Variants in ITGA8 observed in about 807,000 individuals in gnomAD.
ITGA8 encodes the protein integrin subunit alpha 8.
In ITGA8, 91 loss-of-function variants were observed where a neutral mutation model predicts 142.3. That is an observed-to-expected ratio of 0.64 (90% confidence interval 0.54 to 0.76). The LOEUF (loss-of-function observed/expected upper bound fraction) is 0.76, where lower values mean the gene tolerates loss of function less well. Among genes scored for constraint, ITGA8 ranks in the 30% least tolerant of loss-of-function variants. The probability of loss-of-function intolerance (pLI) is 0.00; values close to 1 mark genes in which losing one functional copy is unlikely to be tolerated. For missense variants in ITGA8, 1,406 were observed against 1,327.7 expected, an observed-to-expected ratio of 1.06 and a Z score of -0.92; for synonymous variants, 505 against 485.2, an observed-to-expected ratio of 1.04 and a Z score of -0.54.
Position 15,697,361 on chromosome 10 carries a change from T to G in ITGA8, c.344-9323A>C, listed in dbSNP as rs147936327. On this transcript the variant is annotated intron_variant, in intron 2 of 29. Coordinates refer to ENST00000378076, the MANE Select transcript of ITGA8 (RefSeq NM_003638.3). ...TAATTGTGAAGAATGGACAATGTTT[T>G]TAAATTGCGATTCACAAACATTACG... 2.5e-3 allele frequency among the ~76,000 whole-genome samples: 384 copies of G among 152,328 alleles called. 4 individuals carry two copies. Among genetic ancestry groups the G allele is most frequent in the East Asian group, 0.02 (106 of 5,188 alleles).
At chr10:15,615,325 A>G (rs1281851674) in intron 14 of ITGA8, among the ~76,000 whole-genome samples, 1 of 152,066 alleles carries the variant, frequency 6.6e-6, no homozygotes, top group African/African-American at 2.4e-5. Flanking sequence ...GTACAAGTCA[A>G]CCCTCTCTGA....
intron 13 of ITGA8, among the ~76,000 whole-genome samples, chr10:15,623,662 GGTGGCA>G (rs2131626374): frequency 6.6e-6 from 1 of 151,958 alleles, no homozygotes; most frequent in East Asian, 1.9e-4. Context: ...CTCCAGCCAG[GGTGGCA>G]GAGTGAGACT....
intron 2 of ITGA8, among the ~76,000 whole-genome samples, chr10:15,716,047 A>G (rs1041046027): frequency 3.3e-5 from 5 of 152,200 alleles, no homozygotes; most frequent in Admixed American, 1.3e-4. Flanking sequence ...TCTTTTCCCA[A>G]CAATTCCTTT....
At chr10:15,631,685 T>A (rs1307719673) in intron 13 of ITGA8, among the ~76,000 whole-genome samples, 1 of 150,236 alleles carries the variant, frequency 6.7e-6, no homozygotes, top group Non-Finnish European at 1.5e-5. Context: ...CTGCATGTTC[T>A]GCACATGTAT....
At chr10:15,667,100 C>T (rs1414388269) in intron 8 of ITGA8, among the ~76,000 whole-genome samples, 2 of 152,154 alleles carry the variant, frequency 1.3e-5, no homozygotes, top group Non-Finnish European at 2.9e-5. Context: ...ATGGTACCAG[C>T]TCCTCTTTGC....
intron 8 of ITGA8, among the ~76,000 whole-genome samples, chr10:15,666,324 G>T (rs1458534210): frequency 3.9e-5 from 6 of 152,142 alleles, no homozygotes; most frequent in Non-Finnish European, 7.4e-5. Flanking sequence ...CTGTTTGTCT[G>T]TTATTGGTGT....
chr10:15,548,845 A>G (rs1053433233), intron 26 of ITGA8, among the ~76,000 whole-genome samples: 9 of 152,222 alleles, frequency 5.9e-5, no homozygotes, highest in African/African-American at 2.2e-4. Flanking sequence ...TCATTTTCTC[A>G]GAACTGGGGA....
chr10:15,616,777 C>A (rs868163156), intron 13 of ITGA8, among the ~76,000 whole-genome samples: 2 of 152,110 alleles, frequency 1.3e-5, no homozygotes, highest in South Asian at 2.1e-4. Flanking sequence ...GATCTCAAAC[C>A]CTTCTGTGCT....
intron 20 of ITGA8, among the ~76,000 whole-genome samples, chr10:15,602,607 G>A (rs1833123772): frequency 6.6e-6 from 1 of 152,020 alleles, no homozygotes; most frequent in Admixed American, 6.6e-5. Context: ...GCATGGTGGT[G>A]CACACCCGTA....
chr10:15,703,651 C>T (rs7086410), intron 2 of ITGA8, among the ~76,000 whole-genome samples: 142,109 of 152,172 alleles, frequency 0.93, 66,981 homozygotes, highest in East Asian at 1. Context: ...GTGGATTGTA[C>T]TGACTGAGAC....
intron 15 of ITGA8, among the ~76,000 whole-genome samples, chr10:15,609,513 C>T (rs76748315): frequency 0.022 from 3,392 of 152,224 alleles, 101 homozygotes; most frequent in East Asian, 0.082. Context: ...AAATAATTTG[C>T]CACATACCAT....
chr10:15,697,753 C>G (rs148084473), intron 2 of ITGA8, among the ~76,000 whole-genome samples: 1 of 152,128 alleles, frequency 6.6e-6, no homozygotes, highest in African/African-American at 2.4e-5. Context: ...AAACATATAT[C>G]CAGCCATTTA....
At chr10:15,708,570 A>T (rs1259430868) in intron 2 of ITGA8, among the ~76,000 whole-genome samples, 1 of 151,954 alleles carries the variant, frequency 6.6e-6, no homozygotes, top group Non-Finnish European at 1.5e-5. Flanking sequence ...TGTCCTAAAA[A>T]CCTGTCCTGC....
intron 25 of ITGA8, among the ~76,000 whole-genome samples, chr10:15,563,525 C>G (rs1195072360): frequency 1.3e-5 from 2 of 152,096 alleles, no homozygotes; most frequent in African/African-American, 4.8e-5. Flanking sequence ...AGAAGAGGCA[C>G]TATAAAAAAC....
At chr10:15,652,336 A>G (rs1834101937) in intron 11 of ITGA8, among the ~76,000 whole-genome samples, 1 of 152,228 alleles carries the variant, frequency 6.6e-6, no homozygotes, top group Admixed American at 6.5e-5. Context: ...TGGCCTGTGG[A>G]AGAGAACACA....
chr10:15,646,215 G>A (rs945412855), intron 12 of ITGA8, among the ~76,000 whole-genome samples: 6 of 152,124 alleles, frequency 3.9e-5, no homozygotes, highest in African/African-American at 1.4e-4. Flanking sequence ...ATTAACTTTG[G>A]CTTTAAAGTT....
At chr10:15,708,357 C>T (rs114410864) in intron 2 of ITGA8, among the ~76,000 whole-genome samples, 1 of 151,966 alleles carries the variant, frequency 6.6e-6, no homozygotes, top group African/African-American at 2.4e-5. Flanking sequence ...TAATCTATCA[C>T]AGGAATAGAG....
chr10:15,597,482 T>A (rs1588665904), intron 20 of ITGA8, among the ~76,000 whole-genome samples, 183 bp from the exon 21 acceptor site: 1 of 152,178 alleles, frequency 6.6e-6, no homozygotes, highest in African/African-American at 2.4e-5. Flanking sequence ...AAAAGTTAAA[T>A]TTTAGAAATA....
At chr10:15,709,978 A>G (rs1835333624) in intron 2 of ITGA8, among the ~76,000 whole-genome samples, 1 of 152,240 alleles carries the variant, frequency 6.6e-6, no homozygotes, top group African/African-American at 2.4e-5. Flanking sequence ...CTAAGATGCC[A>G]TCTTCTAATC....
Sources: allele counts gnomAD v4.1 joint callset (sites outside exome capture counted in the v4.1 genomes callset), GRCh38; gene constraint gnomAD v4.1.1; transcripts MANE v1.5; gene names NCBI Gene and HGNC (gene_info 2026-07-23, HGNC 2026-07-21).